Variants in NRG1 observed in about 807,000 individuals in gnomAD.
The protein encoded by NRG1 is pro-neuregulin-1, membrane-bound isoform.
Under a neutral mutation model 63.8 loss-of-function variants are expected in NRG1, and 18 were observed. The ratio of observed to expected loss-of-function variants is 0.28; its 90% CI spans 0.19 to 0.42. NRG1 has a LOEUF of 0.42. Among genes scored for constraint, NRG1 ranks in the 10% least tolerant of loss-of-function variants. NRG1 has a pLI of 1.00. For missense variants in NRG1, 762 were observed against 814.7 expected (o/e 0.94, Z 0.79); for synonymous variants, 302 against 301.3 (o/e 1.00, Z -0.02).
chr8:32,065,589 T>C (rs1258247422), intron 1 of NRG1, among the ~76,000 whole-genome samples: 2 of 152,238 alleles, frequency 1.3e-5, no homozygotes, highest in Non-Finnish European at 2.9e-5. Context: ...CTATCATTGT[T>C]GGACATTTGG....
rs536755678 is a variant in NRG1, at chr8:32,497,124, G to A, written c.38-98704G>A. 2.0e-5 allele frequency among the ~76,000 whole-genome samples: 3 copies of A among 152,154 alleles called. No homozygotes were observed. The South Asian group carries it at 6.2e-4, about 32-fold the overall frequency. On this transcript the variant is annotated intron_variant, in intron 1 of 10. Coordinates refer to the NRG1 transcript ENST00000519301. ...TGTTGGGGTTAAATGAGATAAAATT[G>A]AGTCTTATTGTATAGAATTTATCAG...
intron 1 of NRG1, among the ~76,000 whole-genome samples, chr8:31,986,271 G>A (rs1254277032): frequency 2.0e-5 from 3 of 152,042 alleles, no homozygotes; most frequent in Non-Finnish European, 4.4e-5. Context: ...TGGCTTGTGA[G>A]GAGTGCAAAA....
At chr8:32,259,012 G>A (rs557627938) in intron 1 of NRG1, among the ~76,000 whole-genome samples, 250 of 152,234 alleles carry the variant, frequency 1.6e-3, no homozygotes, top group Non-Finnish European at 2.9e-3. Flanking sequence ...TTACTTACCC[G>A]AGATCAATAA....
intron 1 of NRG1, among the ~76,000 whole-genome samples, chr8:31,965,567 A>C (rs1806184201): frequency 6.6e-6 from 1 of 152,174 alleles, no homozygotes; most frequent in African/African-American, 2.4e-5. Context: ...TTGGATAAAT[A>C]CCCAGTAGTG....
intron 1 of NRG1, among the ~76,000 whole-genome samples, chr8:31,956,410 G>T (rs980444447): frequency 6.6e-6 from 1 of 152,138 alleles, no homozygotes; most frequent in Non-Finnish European, 1.5e-5. Context: ...AAGGTCAGGA[G>T]ATCGAGACCA....
intron 1 of NRG1, among the ~76,000 whole-genome samples, chr8:32,395,493 A>T (rs926403418): frequency 6.6e-6 from 1 of 152,112 alleles, no homozygotes; most frequent in African/African-American, 2.4e-5. Context: ...GTGACTAATG[A>T]TATTGAGCAT....
intron 5 of NRG1, among the ~76,000 whole-genome samples, chr8:32,710,706 G>T (rs1337713846): frequency 6.6e-6 from 1 of 151,996 alleles, no homozygotes; most frequent in Non-Finnish European, 1.5e-5. Flanking sequence ...GGCACTATGT[G>T]GTCACATCAT....
At chr8:32,039,582 A>T (rs1165820371) in intron 1 of NRG1, among the ~76,000 whole-genome samples, 1 of 152,228 alleles carries the variant, frequency 6.6e-6, no homozygotes, top group Non-Finnish European at 1.5e-5. Flanking sequence ...GAGAGGCTAT[A>T]CTGATGAACG....
intron 1 of NRG1, among the ~76,000 whole-genome samples, chr8:32,357,232 G>C (rs952539902): frequency 6.6e-5 from 10 of 152,096 alleles, no homozygotes; most frequent in Admixed American, 6.6e-4. Context: ...CAGAGCATTA[G>C]TTACAAGTTG....
At chr8:32,652,305 T>A (rs1478236045) in intron 5 of NRG1, among the ~76,000 whole-genome samples, 1 of 152,162 alleles carries the variant, frequency 6.6e-6, no homozygotes, top group East Asian at 1.9e-4. Flanking sequence ...GTGGTGGTCT[T>A]TTCCCTTTTT....
intron 1 of NRG1, among the ~76,000 whole-genome samples, chr8:32,539,186 G>A (rs4624987): frequency 0.11 from 16,321 of 152,212 alleles, 2,213 homozygotes; most frequent in East Asian, 0.58. Flanking sequence ...GGACCTGGCT[G>A]CCCTCTAAGG....
At chr8:32,232,727 A>G (rs990947673) in intron 1 of NRG1, among the ~76,000 whole-genome samples, 1 of 152,158 alleles carries the variant, frequency 6.6e-6, no homozygotes, top group Admixed American at 6.5e-5. Context: ...GTCATAGGAA[A>G]ATGGCCATTT....
intron 1 of NRG1, among the ~76,000 whole-genome samples, chr8:31,652,954 T>TCTCTCCTCTC (rs149262363): frequency 6.2e-4 from 14 of 22,436 alleles, no homozygotes; most frequent in African/African-American, 2.4e-3. Context: ...CTTCCTCTCT[T>TCTCTCCTCTC]CTCTCCTCTC....
At chr8:32,199,583 A>C (rs1261177711) in intron 1 of NRG1, among the ~76,000 whole-genome samples, 1 of 152,212 alleles carries the variant, frequency 6.6e-6, no homozygotes, top group African/African-American at 2.4e-5. Context: ...TTTGAGCTAA[A>C]CATAAATTAG....
chr8:31,829,273 C>CA (rs1449307933), intron 1 of NRG1, among the ~76,000 whole-genome samples: 8 of 152,188 alleles, frequency 5.3e-5, no homozygotes, highest in African/African-American at 1.9e-4. Flanking sequence ...CGCAAACTCC[C>CA]CAAGAGAGAT....
chr8:32,575,766 G>T (rs955085502), intron 1 of NRG1, among the ~76,000 whole-genome samples: 3 of 152,174 alleles, frequency 2.0e-5, no homozygotes, highest in African/African-American at 4.8e-5. Flanking sequence ...GGGAATGGCA[G>T]TTCTTACACC....
At chr8:32,551,910 CTTTTT>C (rs34051371) in intron 1 of NRG1, among the ~76,000 whole-genome samples, 4 of 112,168 alleles carry the variant, frequency 3.6e-5, no homozygotes, top group Non-Finnish European at 7.0e-5. Flanking sequence ...AAAACCAGAG[CTTTTT>C]TTTTTTTTTT....
chr8:32,155,458 CAT>C lies in NRG1; in HGVS notation c.38-440358_38-440357del, dbSNP rs748746652. On this transcript the variant is annotated intron_variant, in intron 1 of 10. Transcript: ENST00000519301. ...ATAACACATTCCCCTATTTTCCCAG[CAT>C]ATATATATATACACTATATAATCTT... Among the ~76,000 whole-genome samples the C allele has an allele frequency of 2.6e-5, 4 of 151,364 alleles. No homozygotes were observed. In the East Asian group the frequency reaches 7.7e-4, roughly 29 times the overall value.
At chr8:31,733,342 A>G (rs938985455) in intron 1 of NRG1, among the ~76,000 whole-genome samples, 1 of 152,148 alleles carries the variant, frequency 6.6e-6, no homozygotes, top group Admixed American at 6.6e-5. Context: ...CCCAGTAGTG[A>G]GAGTGCAGGA....
Sources: gnomAD v4.1 joint callset for allele counts (sites outside exome capture counted in the v4.1 genomes callset) on GRCh38, gnomAD v4.1.1 for gene constraint, MANE v1.5 for transcripts, NCBI Gene and HGNC (gene_info 2026-07-23, HGNC 2026-07-21) for gene names.